ATXN1: variants seen among roughly 807,000 people sequenced by gnomAD.
ATXN1 encodes the protein ataxin 1, also known as ataxin-1.
In ATXN1, 8 loss-of-function variants were observed where a neutral mutation model predicts 56.4. That is an observed-to-expected ratio of 0.14 (90% CI 0.08 to 0.26). ATXN1 has a LOEUF of 0.26. Among genes scored for constraint, ATXN1 ranks in the 10% least tolerant of loss-of-function variants. The pLI, the probability that ATXN1 is intolerant of heterozygous loss-of-function variation, is 1.00. For missense variants in ATXN1, 987 were observed against 1,106.5 expected (o/e 0.89, Z 1.53); for synonymous variants, 514 against 494.6 (o/e 1.04, Z -0.52).
chr6:16,440,381 T>C (rs1357349747), intron 6 of ATXN1, among the ~76,000 whole-genome samples: 1 of 150,866 alleles, frequency 6.6e-6, no homozygotes, highest in African/African-American at 2.4e-5. Flanking sequence ...AATGAAGTGA[T>C]TGGAGAAAAC....
In ATXN1 at chr6:16,328,524, G is replaced by A; in HGVS notation, c.-160-54C>T. Reference sequence around the variant, plus strand: ...GGGAAAAGGAAAGGGAGGAGAAAGGGAAGGAGGGAAAGGACATCAGAACAT... The same window carrying A: ...GGGAAAAGGAAAGGGAGGAGAAAGGAAAGGAGGGAAAGGACATCAGAACAT... On this transcript the variant is annotated intron_variant, in intron 6 of 7. Coordinates refer to ENST00000436367, the MANE Select transcript of ATXN1 (RefSeq NM_001128164.2). The surrounding 1 kb of genome is among the most constrained non-coding windows in gnomAD (Gnocchi z 6.2). 1.2e-6 allele frequency: 1 copy of A among 865,512 alleles called. No homozygotes were observed. Among genetic ancestry groups the A allele is most frequent in the Non-Finnish European group, 1.6e-6 (1 of 636,080 alleles). The allele number at this position is 865,512 out of a possible 1,614,324, so 53.6% of individuals were successfully genotyped here. A position where few individuals can be genotyped will look rare whatever the true frequency, so the allele number is the denominator to read the frequency against.
At chr6:16,750,197 G>C in intron 2 of ATXN1, 1 of 152,196 alleles carries the variant, frequency 6.6e-6, no homozygotes, top group East Asian at 1.9e-4. Context: ...ATTTCAGAGA[G>C]TTTCTTCTTT....
chr6:16,404,711 C>T (rs112093863), intron 6 of ATXN1, among the ~76,000 whole-genome samples: 2 of 132,136 alleles, frequency 1.5e-5, no homozygotes, highest in South Asian at 2.2e-4. Flanking sequence ...CGCGCACACA[C>T]GCACACACAC....
At chr6:16,649,847 G>C (rs967100484) in intron 3 of ATXN1, among the ~76,000 whole-genome samples, 4 of 152,150 alleles carry the variant, frequency 2.6e-5, no homozygotes, top group Non-Finnish European at 4.4e-5. Context: ...CAAGGTTTAA[G>C]ATAAGTCAAT....
chr6:16,474,398 CAG>C (rs750454401), intron 6 of ATXN1, among the ~76,000 whole-genome samples: 7 of 152,220 alleles, frequency 4.6e-5, no homozygotes, highest in Non-Finnish European at 8.8e-5. Flanking sequence ...CCACCTGAAG[CAG>C]AGACAAGCTG....
At chr6:16,544,764 G>A (rs1761782289) in intron 4 of ATXN1, among the ~76,000 whole-genome samples, 1 of 152,176 alleles carries the variant, frequency 6.6e-6, no homozygotes, top group Non-Finnish European at 1.5e-5. Flanking sequence ...CCTAATAAGG[G>A]AGGATCACTG....
chr6:16,554,771 A>G (rs1045345679), intron 4 of ATXN1, among the ~76,000 whole-genome samples: 5 of 151,590 alleles, frequency 3.3e-5, no homozygotes, highest in African/African-American at 1.2e-4. Flanking sequence ...TTGTATTTTT[A>G]GTAGAGATAG....
At chr6:16,452,125 C>T (rs557092814) in intron 6 of ATXN1, among the ~76,000 whole-genome samples, 12 of 152,236 alleles carry the variant, frequency 7.9e-5, no homozygotes, top group East Asian at 3.9e-4. Flanking sequence ...ATTCTGCAAA[C>T]GACATTCAAT....
intron 6 of ATXN1, among the ~76,000 whole-genome samples, chr6:16,350,453 T>C (rs1201137127): frequency 1.3e-5 from 2 of 152,236 alleles, no homozygotes; most frequent in Admixed American, 6.5e-5. Flanking sequence ...GTTCCATATT[T>C]CTGCTAACGG....
intron 7 of ATXN1, among the ~76,000 whole-genome samples, chr6:16,307,164 G>A (rs138702167): frequency 6.6e-6 from 1 of 152,172 alleles, no homozygotes; most frequent in Non-Finnish European, 1.5e-5. Context: ...CCAGTCAATC[G>A]AACCCCAGTA....
At position 16,328,490 on chromosome 6, in the gene ATXN1, A is replaced by T; in HGVS notation, c.-160-20T>A. ...TGGATGCTGGGAAAGGGAAGAGGGC[A>T]GTGACAAAGGGAAAAGGAAAGGGAG... On this transcript the variant is annotated intron_variant, in intron 6 of 7. Coordinates refer to ENST00000436367, the MANE Select transcript of ATXN1 (RefSeq NM_001128164.2). This position sits in a 1 kb window ranked among gnomAD's most constrained non-coding sequence, Gnocchi z 6.2. 1 of 1,160,564 alleles carries T rather than the reference A, an allele frequency of 8.6e-7. No individual in the cohort carries two copies. Among genetic ancestry groups the T allele is most frequent in the Non-Finnish European group, 1.1e-6 (1 of 899,550 alleles). The allele number at this position is 1,160,564 out of a possible 1,614,324, so 71.9% of individuals were successfully genotyped here.
chr6:16,631,655 A>T (rs1409835084), intron 3 of ATXN1, among the ~76,000 whole-genome samples: 1 of 151,780 alleles, frequency 6.6e-6, no homozygotes, highest in Non-Finnish European at 1.5e-5. Context: ...CTTCTATAGG[A>T]CTCTCCCTTC....
intron 3 of ATXN1, among the ~76,000 whole-genome samples, chr6:16,611,480 A>G (rs927075672): frequency 6.6e-6 from 1 of 152,256 alleles, no homozygotes; most frequent in Non-Finnish European, 1.5e-5. Context: ...GAAGACAGGT[A>G]TTAATTCGTT....
In ATXN1 at chr6:16,511,123, G is replaced by A. The variant is rs9477150; in HGVS notation, c.-299+11504C>T. Among the ~76,000 whole-genome samples, 959 of 151,642 alleles carry A rather than the reference G, an allele frequency of 6.3e-3. 14 individuals are homozygous for A. The highest frequency in any genetic ancestry group is 0.022 in the African/African-American group (893 of 41,384). On this transcript the variant is annotated intron_variant, in intron 5 of 7. Coordinates refer to ENST00000436367, the MANE Select transcript of ATXN1 (RefSeq NM_001128164.2). ...AAGCTTTTGATTTTTTTTTTCCCAC[G>A]TGGTAGATGAATCTTAGTAAGAAAA...
intron 4 of ATXN1, among the ~76,000 whole-genome samples, chr6:16,533,214 AC>A (rs777109820): frequency 6.6e-6 from 1 of 152,236 alleles, no homozygotes; most frequent in Non-Finnish European, 1.5e-5. Context: ...GAATTTTATC[AC>A]AATAAAAAGA....
intron 6 of ATXN1, among the ~76,000 whole-genome samples, chr6:16,474,581 T>A (rs1760288034): frequency 6.6e-6 from 1 of 152,192 alleles, no homozygotes; most frequent in African/African-American, 2.4e-5. Flanking sequence ...GATGGCTTGT[T>A]ACACAGTATA....
intron 3 of ATXN1, among the ~76,000 whole-genome samples, chr6:16,599,857 C>T (rs1762883392): frequency 6.6e-6 from 1 of 152,162 alleles, no homozygotes; most frequent in African/African-American, 2.4e-5. Flanking sequence ...CCTTCTGTTC[C>T]CCCAAGAGGC....
chr6:16,406,848 C>A (rs2113544784), intron 6 of ATXN1, among the ~76,000 whole-genome samples: 1 of 152,294 alleles, frequency 6.6e-6, no homozygotes, highest in South Asian at 2.1e-4. Flanking sequence ...AATGTGAGGT[C>A]CCATTCCAGC....
intron 3 of ATXN1, among the ~76,000 whole-genome samples, chr6:16,617,505 A>G (rs1462690628): frequency 6.6e-6 from 1 of 152,118 alleles, no homozygotes. Context: ...AAAAAAACAA[A>G]TATCAAGATA....
Sources: allele counts gnomAD v4.1 joint callset (sites outside exome capture counted in the v4.1 genomes callset), GRCh38; gene constraint gnomAD v4.1.1; non-coding constraint Gnocchi (gnomAD v3.1); transcripts MANE v1.5; gene names NCBI Gene and HGNC (gene_info 2026-07-23, HGNC 2026-07-21).